Variants in PTPRD observed in about 807,000 individuals in gnomAD.
PTPRD encodes the protein receptor-type tyrosine-protein phosphatase delta.
Under a neutral mutation model 214.5 loss-of-function variants are expected in PTPRD, and 34 were observed. The observed-to-expected ratio is 0.16, with a 90% confidence interval of 0.12 to 0.21. The LOEUF (loss-of-function observed/expected upper bound fraction) is 0.21, where lower values mean the gene tolerates loss of function less well. Ranked by LOEUF, PTPRD falls within the 10% of genes least tolerant of loss-of-function variation. The pLI, the probability that PTPRD is intolerant of heterozygous loss-of-function variation, is 1.00. For synonymous variants in PTPRD, 1,128 were observed against 845.7 expected, an observed-to-expected ratio of 1.33 and a Z score of -5.79; for missense variants, 2,545 against 2,398.7, an observed-to-expected ratio of 1.06 and a Z score of -1.27.
chr9:9,328,516 G>T (rs550383887), intron 9 of PTPRD, among the ~76,000 whole-genome samples: 1 of 149,220 alleles, frequency 6.7e-6, no homozygotes, highest in African/African-American at 2.5e-5. Context: ...CTTTAAATCT[G>T]TCAATTTAGC....
intron 37 of PTPRD, among the ~76,000 whole-genome samples, chr9:8,383,970 T>C (rs957485886): frequency 2.0e-5 from 3 of 152,212 alleles, no homozygotes; most frequent in African/African-American, 7.2e-5. Context: ...GCATTCTCTC[T>C]GTGTTCTGTA....
intron 5 of PTPRD, among the ~76,000 whole-genome samples, chr9:9,937,190 C>T (rs953777122): frequency 2.4e-4 from 36 of 151,080 alleles, no homozygotes; most frequent in Non-Finnish European, 3.8e-4. Flanking sequence ...CTAACCTGCA[C>T]AATGTGCACA....
chr9:10,464,412 C>CAGAGAG (rs139389141), intron 2 of PTPRD, among the ~76,000 whole-genome samples: 13 of 143,374 alleles, frequency 9.1e-5, no homozygotes, highest in East Asian at 8.2e-4. Context: ...GATAGAGAGA[C>CAGAGAG]AGAGAGAGAG....
intron 9 of PTPRD, among the ~76,000 whole-genome samples, chr9:9,368,026 A>G (rs1445997601): frequency 1.3e-5 from 2 of 151,746 alleles, no homozygotes; most frequent in African/African-American, 2.4e-5. Flanking sequence ...ACTTCTGAAA[A>G]CATATTATTC....
intron 5 of PTPRD, among the ~76,000 whole-genome samples, chr9:9,775,059 T>C (rs549540349): frequency 1.9e-4 from 29 of 152,310 alleles, no homozygotes; most frequent in Non-Finnish European, 1.5e-5. Context: ...TCATTATTTC[T>C]GAGAGCTAAA....
At chr9:10,347,631 G>C (rs1047817824) in intron 2 of PTPRD, among the ~76,000 whole-genome samples, 5 of 151,772 alleles carry the variant, frequency 3.3e-5, no homozygotes, top group African/African-American at 1.2e-4. Flanking sequence ...GGCTAGTCTC[G>C]AATTCCCAAC....
chr9:8,529,827 C>T (rs566450983), intron 14 of PTPRD, among the ~76,000 whole-genome samples: 5 of 152,240 alleles, frequency 3.3e-5, no homozygotes, highest in Non-Finnish European at 7.4e-5. Flanking sequence ...TTCTAGGGTA[C>T]ATATGCACAA....
rs1250038696 is a variant in PTPRD at position 9,618,384 on chromosome 9, T to TAAA, written c.-286-43604_-286-43603insTTT. ...TCTTTTTTCCTCCATACCTATGGAT[T>TAAA]AAGAAAAAAAAAACAATAATATAGT... On this transcript the variant is annotated intron_variant, in intron 7 of 45. Transcript: ENST00000381196. Among the ~76,000 whole-genome samples the TAAA allele has an allele frequency of 2.6e-3, 401 of 151,490 alleles. 1 individual carries two copies. Among genetic ancestry groups the TAAA allele is most frequent in the African/African-American group, 9.3e-3 (384 of 41,336 alleles).
intron 12 of PTPRD, among the ~76,000 whole-genome samples, chr9:8,724,644 C>T (rs1598037718): frequency 6.6e-6 from 1 of 152,114 alleles, no homozygotes; most frequent in Non-Finnish European, 1.5e-5. Flanking sequence ...GTCTCCACCA[C>T]TTAGCCAGGC....
At chr9:8,591,821 T>G (rs2094128170) in intron 14 of PTPRD, among the ~76,000 whole-genome samples, 1 of 152,182 alleles carries the variant, frequency 6.6e-6, no homozygotes, top group African/African-American at 2.4e-5. Context: ...ATGTGAACTC[T>G]GTATTCACTA....
intron 3 of PTPRD, among the ~76,000 whole-genome samples, chr9:10,208,304 G>A (rs2099494994): frequency 1.3e-5 from 2 of 152,200 alleles, no homozygotes; most frequent in Non-Finnish European, 2.9e-5. Context: ...CACGAGGTCA[G>A]GAGATCGACG....
intron 3 of PTPRD, among the ~76,000 whole-genome samples, chr9:10,095,328 C>T (rs13287894): frequency 6.6e-6 from 1 of 151,372 alleles, no homozygotes; most frequent in Non-Finnish European, 1.5e-5. Context: ...ATTACTTTTT[C>T]CAGGAGTCTG....
At chr9:10,106,894 A>G (rs291314) in intron 3 of PTPRD, among the ~76,000 whole-genome samples, 90,839 of 151,550 alleles carry the variant, frequency 0.6, 28,100 homozygotes, top group Middle Eastern at 0.78. Flanking sequence ...GCTACTGCCA[A>G]AGTTTGGAAT....
At chr9:9,045,257 C>T (rs1343046996) in intron 10 of PTPRD, among the ~76,000 whole-genome samples, 3 of 152,074 alleles carry the variant, frequency 2.0e-5, no homozygotes, top group South Asian at 4.1e-4. Flanking sequence ...GAGCTTTTTT[C>T]AAAAAGGCTT....
At chr9:8,673,080 T>C (rs1596559000) in intron 12 of PTPRD, among the ~76,000 whole-genome samples, 1 of 152,136 alleles carries the variant, frequency 6.6e-6, no homozygotes, top group African/African-American at 2.4e-5. Context: ...TACTAAGATA[T>C]CCTTACACAT....
Position 9,083,220 on chromosome 9 carries a change from C to A in PTPRD, c.-142-64485G>T, listed in dbSNP as rs116974110. Among the ~76,000 whole-genome samples, 69 of 152,204 alleles carry A rather than the reference C, an allele frequency of 4.5e-4. 2 individuals are homozygous for A. In the East Asian group the frequency reaches 6.6e-3, roughly 14 times the overall value. On this transcript the variant is annotated intron_variant, in intron 10 of 45. Coordinates refer to ENST00000381196, the MANE Select transcript of PTPRD (RefSeq NM_002839.4). Reference sequence around the variant, plus strand: ...AAAACAGATATATAGAACAATGGAACAGAACCCAGGCCGCAGAAATAACAC... The same window carrying A: ...AAAACAGATATATAGAACAATGGAAAAGAACCCAGGCCGCAGAAATAACAC...
chr9:9,033,054 C>T (rs2099610632), intron 10 of PTPRD, among the ~76,000 whole-genome samples: 1 of 152,130 alleles, frequency 6.6e-6, no homozygotes, highest in Non-Finnish European at 1.5e-5. Context: ...CATGCATGTA[C>T]TTATCCTTTC....
intron 4 of PTPRD, among the ~76,000 whole-genome samples, chr9:9,957,813 G>T (rs554727265): frequency 6.6e-6 from 1 of 151,890 alleles, no homozygotes; most frequent in Non-Finnish European, 1.5e-5. Flanking sequence ...AATCCAGACA[G>T]CCTGGTGTTG....
rs1358130262 is a variant in PTPRD, at chr9:9,249,065, G to C, written c.-202-65702C>G. On this transcript the variant is annotated intron_variant, in intron 9 of 45. Transcript: ENST00000381196. The stretch of plus-strand genomic sequence containing the variant: ...TCCCCAGTGTTGGAAGTGGGGCCCA[G>C]TGGGAGGTGTTTGGGTAGTGGGGGC... Among the ~76,000 whole-genome samples, 3 of 152,218 alleles carry C rather than the reference G, an allele frequency of 2.0e-5. No homozygotes were observed. The East Asian group carries it at 5.8e-4, about 30-fold the overall frequency.
Sources: allele counts gnomAD v4.1 joint callset (sites outside exome capture counted in the v4.1 genomes callset), GRCh38; gene constraint gnomAD v4.1.1; transcripts MANE v1.5; gene names NCBI Gene and HGNC (gene_info 2026-07-23, HGNC 2026-07-21).